Variants in STARD9 observed in about 807,000 individuals in gnomAD.
STARD9 encodes the protein StAR related lipid transfer domain containing 9.
A neutral mutation model predicts 399.8 loss-of-function variants in STARD9; 346 were observed. The ratio of observed to expected loss-of-function variants is 0.87; its 90% CI spans 0.79 to 0.95. The LOEUF (loss-of-function observed/expected upper bound fraction) is 0.95, where lower values mean the gene tolerates loss of function less well. Ranked by LOEUF, STARD9 falls within the 40% of genes least tolerant of loss-of-function variation. The pLI is 0.00. For missense variants in STARD9, 5,832 were observed against 5,667.5 expected, an observed-to-expected ratio of 1.03 and a Z score of -0.93; for synonymous variants, 2,203 against 2,143.5, an observed-to-expected ratio of 1.03 and a Z score of -0.77.
intron 15 of STARD9, among the ~76,000 whole-genome samples, chr15:42,666,175 A>T (rs866715681): frequency 6.6e-6 from 1 of 152,212 alleles, no homozygotes. Flanking sequence ...GCTCAGCATG[A>T]TGCTGCAAGA....
chr15:42,610,621 T>C (rs2058828912), intron 3 of STARD9, among the ~76,000 whole-genome samples: 1 of 152,322 alleles, frequency 6.6e-6, no homozygotes, highest in Non-Finnish European at 1.5e-5. Flanking sequence ...CAATCTTGGC[T>C]CACTGCAACC....
At chr15:42,638,608 A>G (rs1595686290) in intron 6 of STARD9, 92 bp from the exon 7 acceptor site, 1 of 812,944 alleles carries the variant, frequency 1.2e-6, no homozygotes, top group East Asian at 2.8e-5. Context: ...GTGGAGCTGG[A>G]ACAAGAACTA....
chr15:42,647,478 C>G (rs1038234145), intron 7 of STARD9, among the ~76,000 whole-genome samples: 1 of 152,024 alleles, frequency 6.6e-6, no homozygotes, highest in Non-Finnish European at 1.5e-5. Flanking sequence ...ACACTTTTTT[C>G]ATTGTGAAGG....
At chr15:42,683,302 C>T (rs1226192385) in intron 22 of STARD9, among the ~76,000 whole-genome samples, 1 of 152,208 alleles carries the variant, frequency 6.6e-6, no homozygotes, top group Non-Finnish European at 1.5e-5. Context: ...AAATTTTAAA[C>T]ATATGCCAAG....
chr15:42,695,917 G>A, intron 26 of STARD9, 37 bp downstream of exon 26: 3 of 1,522,530 alleles, frequency 2.0e-6, no homozygotes, highest in Admixed American at 2.0e-5. Flanking sequence ...CCAGGGGCCT[G>A]GACTGCCAAG....
rs372746010 is a variant in STARD9, at chr15:42,689,441, A to C, written c.7863A>C (p.Leu2621=). Residue 2621 remains leucine (L), a synonymous_variant, in exon 23 of 33, where the codon CTA becomes CTC. Coordinates refer to ENST00000290607, the MANE Select transcript of STARD9 (RefSeq NM_020759.3). ...CACCGGGATTTCATGTGGCATCTCTATCTGCTGAAGCAGGGCAGATAGATC... is the reference window on the plus strand; with the variant it reads ...CACCGGGATTTCATGTGGCATCTCTCTCTGCTGAAGCAGGGCAGATAGATC... The part of the protein sequence containing the change: ...GEAPGFHVAS[L]SAEAGQIDLL... 1.3e-6 allele frequency: 2 copies of C among 1,537,276 alleles called. No homozygotes were observed. Among genetic ancestry groups the C allele is most frequent in the South Asian group, 1.2e-5 (1 of 84,064 alleles).
chr15:42,638,126 T>C, intron 6 of STARD9, 39 bp downstream of exon 6: 1 of 1,504,818 alleles, frequency 6.6e-7, no homozygotes, highest in Non-Finnish European at 8.9e-7. Context: ...CAGTAGTTCT[T>C]CTTCTACTCC....
At chr15:42,716,408 ACT>A (rs1327203196) in intron 26 of STARD9, among the ~76,000 whole-genome samples, 3 of 151,296 alleles carry the variant, frequency 2.0e-5, no homozygotes, top group African/African-American at 7.3e-5. Flanking sequence ...AGCACCCCAT[ACT>A]CTCAGGCCCT....
At chr15:42,652,638 C>G (rs1274714637) in intron 9 of STARD9, 46 bp downstream of exon 9, 2 of 1,439,994 alleles carry the variant, frequency 1.4e-6, no homozygotes, top group African/African-American at 2.8e-5. Context: ...TCTCCTTGTA[C>G]CTTTAAACCA....
chr15:42,588,058 C>T (rs376860941), intron 3 of STARD9, among the ~76,000 whole-genome samples: 24 of 152,148 alleles, frequency 1.6e-4, no homozygotes, highest in Non-Finnish European at 2.2e-4. Context: ...TTTCTGTTAG[C>T]GGAAAGTATG....
rs1165008897 is a variant in STARD9, at chr15:42,692,398, C to A, written c.10820C>A (p.Ala3607Asp). Residue 3607 changes from alanine to aspartate, a missense_variant, in exon 23 of 33, where the codon GCC becomes GAC. Around this residue, in one of 2 missense-constraint regions of STARD9, gnomAD observed 5,828 missense variants for 5,651.1 expected, o/e 1.03. Transcript: ENST00000290607. Reference sequence around the variant, plus strand: ...TGTCTGAGGAGTAAGCCCCCCTTGGCCAAAGGAAGTGCTGCAGGTCCAGTG... The same window carrying A: ...TGTCTGAGGAGTAAGCCCCCCTTGGACAAAGGAAGTGCTGCAGGTCCAGTG... The part of the protein sequence containing the change: ...ADCLRSKPPL[A>D]KGSAAGPVDE... 1 of 1,536,982 alleles carries A rather than the reference C, an allele frequency of 6.5e-7. No individual in the cohort carries two copies. The highest frequency in any genetic ancestry group is 2.4e-5 in the East Asian group (1 of 40,910).
intron 3 of STARD9, among the ~76,000 whole-genome samples, chr15:42,588,778 T>G (rs1595587191): frequency 3.0e-4 from 3 of 9,938 alleles, no homozygotes; most frequent in South Asian, 3.0e-3. Context: ...TTCACAGCGT[T>G]TTTTTTTTTT....
At chr15:42,605,818 C>A (rs1321993724) in intron 3 of STARD9, among the ~76,000 whole-genome samples, 1 of 152,160 alleles carries the variant, frequency 6.6e-6, no homozygotes, top group Non-Finnish European at 1.5e-5. Context: ...AATTACTTTT[C>A]TTTCTTTACT....
At chr15:42,645,695 CA>C in intron 7 of STARD9, among the ~76,000 whole-genome samples, 1 of 152,038 alleles carries the variant, frequency 6.6e-6, no homozygotes, top group East Asian at 1.9e-4. Context: ...CATGCGCTAC[CA>C]TACCTGGCTA....
chr15:42,717,582 G>A (rs1403187903), intron 28 of STARD9, 149 bp from the exon 29 acceptor site: 15 of 718,970 alleles, frequency 2.1e-5, no homozygotes, highest in East Asian at 5.4e-5. Context: ...CTGTGATTAC[G>A]CCACTCCACT....
chr15:42,686,383 C>T lies in STARD9; in HGVS notation c.4805C>T (p.Ser1602Phe). 4 of 1,537,620 alleles carry T rather than the reference C, an allele frequency of 2.6e-6. No individual in the cohort carries two copies. Among genetic ancestry groups the T allele is most frequent in the Non-Finnish European group, 3.5e-6 (4 of 1,147,020 alleles). Reference protein sequence around the residue: ...ADLESLSASRSTNAQVFATEN... With the variant: ...ADLESLSASRFTNAQVFATEN... ...TTAGAATCATTGTCTGCTTCTCGAT[C>T]TACAAATGCACAGGTCTTTGCAACA... The change falls in exon 23 of 33, where the codon TCT (serine) becomes TTT (phenylalanine). Residue 1602 changes from serine (S) to phenylalanine (F), a missense_variant. Physicochemically the swap from Ser to Phe is radical, Grantham distance 155. Transcript: ENST00000290607.
chr15:42,576,106 C>T (rs1423872181), intron 1 of STARD9, among the ~76,000 whole-genome samples: 2 of 152,150 alleles, frequency 1.3e-5, no homozygotes, highest in Non-Finnish European at 2.9e-5. Flanking sequence ...TCTCCTCTCT[C>T]TTTCTGGGGG....
At chr15:42,609,963 G>A (rs1013770287) in intron 3 of STARD9, among the ~76,000 whole-genome samples, 1 of 151,868 alleles carries the variant, frequency 6.6e-6, no homozygotes, top group Non-Finnish European at 1.5e-5. Flanking sequence ...CATGGTGGTG[G>A]GCTCCTGTAA....
chr15:42,690,684 C>G lies in STARD9; in HGVS notation c.9106C>G (p.Leu3036Val). The G allele has an allele frequency of 2.0e-6, 3 of 1,537,228 alleles. No individual in the cohort carries two copies. The highest frequency in any genetic ancestry group is 3.3e-4 in the Middle Eastern group (2 of 5,990). The change falls in exon 23 of 33, where the codon CTA becomes GTA. Residue 3036 changes from leucine (L) to valine (V), a missense_variant. Leu to Val is a conservative substitution (Grantham distance 32). Around this residue, in one of 2 missense-constraint regions of STARD9, gnomAD observed 5,828 missense variants for 5,651.1 expected, o/e 1.03. Coordinates refer to ENST00000290607, the MANE Select transcript of STARD9 (RefSeq NM_020759.3). ...CAAAGATGTTAACAGGGAATTTAGG[C>G]TAACAGAGAGCAGCACTTGTGAGCC... The part of the protein sequence containing the change: ...EPKDVNREFR[L>V]TESSTCEPST...
Sources: gnomAD v4.1 joint callset for allele counts (sites outside exome capture counted in the v4.1 genomes callset) on GRCh38, gnomAD v4.1.1 for gene constraint, gnomAD v4.1.1 regional missense constraint, MANE v1.5 for transcripts, NCBI Gene and HGNC (gene_info 2026-07-23, HGNC 2026-07-21) for gene names.